The following NACC1 variants were observed in gnomAD, a reference collection of about 807,000 sequenced individuals.
NACC1 encodes the protein nucleus accumbens-associated protein 1.
Under a neutral mutation model 41.7 loss-of-function variants are expected in NACC1, and 6 were observed. The ratio of observed to expected loss-of-function variants is 0.14; its 90% CI spans 0.08 to 0.28. The LOEUF (loss-of-function observed/expected upper bound fraction) is 0.28. NACC1 is among the 10% of genes least tolerant of loss of function. The pLI is 1.00. For synonymous variants in NACC1, 338 were observed against 330.6 expected, an observed-to-expected ratio of 1.02 and a Z score of -0.24; for missense variants, 434 against 763.7, an observed-to-expected ratio of 0.57 and a Z score of 5.09.
In NACC1 at chr19:13,125,412, C is replaced by CTT. The variant is rs760978944; in HGVS notation, c.-9+6979_-9+6980dup. On this transcript the variant is annotated intron_variant, in intron 1 of 5. Coordinates refer to ENST00000292431, the MANE Select transcript of NACC1 (RefSeq NM_052876.4). ...ACTGAATCAACTCCCGAAGGCCCCA[C>CTT]TTTTTTTTTTTTTTTTTTTTTTGGT... 6.6e-3 allele frequency among the ~76,000 whole-genome samples: 664 copies of CTT among 100,250 alleles called. 6 individuals are homozygous for CTT. The highest frequency in any genetic ancestry group is 0.024 in the African/African-American group (638 of 26,804). The allele number at this position is 100,250 out of a possible 152,430, so 65.8% of individuals were successfully genotyped here.
Position 13,137,586 on chromosome 19 carries a change from G to A in NACC1, c.1324+11G>A. The A allele has an allele frequency of 6.5e-7, 1 of 1,549,450 alleles. No homozygotes were observed. The highest frequency in any genetic ancestry group is 8.7e-7 in the Non-Finnish European group (1 of 1,146,410). On this transcript the variant is annotated intron_variant, in intron 5 of 5. Transcript: ENST00000292431. The surrounding 1 kb of genome is among the most constrained non-coding windows in gnomAD (Gnocchi z 6.1). ...TCCACGCTGTCAAGTGTGAGTGTTG[G>A]CCCAGCTGGACGAGGCGTGGGCCCG...
chr19:13,122,523 C>CA (rs1491362163), intron 1 of NACC1, among the ~76,000 whole-genome samples: 1 of 76,886 alleles, frequency 1.3e-5, no homozygotes, highest in Non-Finnish European at 2.7e-5. Context: ...TTGCCCCTGC[C>CA]GGGGGGGGGG....
chr19:13,130,782 C>T (rs1407691812), intron 1 of NACC1, among the ~76,000 whole-genome samples: 2 of 151,622 alleles, frequency 1.3e-5, no homozygotes, highest in South Asian at 2.1e-4. Flanking sequence ...GTGATCTGCC[C>T]GCCTCAGCCT....
At chr19:13,133,416 C>T (rs2019659011) in intron 1 of NACC1, among the ~76,000 whole-genome samples, 1 of 152,074 alleles carries the variant, frequency 6.6e-6, no homozygotes, top group African/African-American at 2.4e-5. Flanking sequence ...TGCTTTCCCT[C>T]ACCACACCCC....
In NACC1 at chr19:13,137,459, C is replaced by T; in HGVS notation, c.1227-19C>T. 6.2e-7 allele frequency: 1 copy of T among 1,609,632 alleles called. No homozygotes were observed. The highest frequency in any genetic ancestry group is 2.3e-5 in the East Asian group (1 of 44,252). On this transcript the variant is annotated intron_variant, in intron 4 of 5. Coordinates refer to ENST00000292431, the MANE Select transcript of NACC1 (RefSeq NM_052876.4). This position sits in a 1 kb window ranked among gnomAD's most constrained non-coding sequence, Gnocchi z 6.1. ...CCACCAACTTGAGCGCTGACTCCCTCCATGTCCCCTGCCCCCAGGAACACG... is the reference window on the plus strand; with the variant it reads ...CCACCAACTTGAGCGCTGACTCCCTTCATGTCCCCTGCCCCCAGGAACACG...
At position 13,141,037 on chromosome 19, in the gene NACC1, A is replaced by G. The variant is rs968332394; in HGVS notation, c.*2631A>G. On this transcript the variant is annotated 3_prime_UTR_variant, in exon 6 of 6. Transcript: ENST00000292431. ...AGCCCCCACCCCTCCCTGGGCCCCCAAGTGAGATTGCACATTTAACTACTG... is the reference window on the plus strand; with the variant it reads ...AGCCCCCACCCCTCCCTGGGCCCCCGAGTGAGATTGCACATTTAACTACTG... The G allele has an allele frequency of 1.3e-5, 2 of 152,260 alleles. No homozygotes were observed. Among genetic ancestry groups the G allele is most frequent in the African/African-American group, 4.8e-5 (2 of 41,344 alleles). 9.4% of individuals were successfully genotyped at this position (152,260 alleles called of 1,614,324 possible).
chr19:13,136,296 G>C lies in NACC1; in HGVS notation c.1011G>C (p.Arg337=). The C allele has an allele frequency of 6.2e-7, 1 of 1,614,096 alleles. No homozygotes were observed. Among genetic ancestry groups the C allele is most frequent in the Non-Finnish European group, 8.5e-7 (1 of 1,180,022 alleles). The change falls in exon 3 of 6, where the codon CGG becomes CGC. Residue 337 remains arginine (R), a synonymous_variant. Coordinates refer to ENST00000292431, the MANE Select transcript of NACC1 (RefSeq NM_052876.4). This position sits in a 1 kb window ranked among gnomAD's most constrained non-coding sequence, Gnocchi z 5.5. ...AGTCCCGAAATCGCATCCGGGTTCG[G>C]CAAGACCTGGCGTCTCTCCCGGCTG... The part of the protein sequence containing the change: ...APESRNRIRV[R]QDLASLPAEL...
chr19:13,132,961 C>T lies in NACC1; in HGVS notation c.-8-2239C>T, dbSNP rs79183009. On this transcript the variant is annotated intron_variant, in intron 1 of 5. Coordinates refer to ENST00000292431, the MANE Select transcript of NACC1 (RefSeq NM_052876.4). Reference sequence around the variant, plus strand: ...TACCTCTGAGCCTTTGAACACTTGCCGTTTCTATTCCTCACAGCAGCCCTT... The same window carrying T: ...TACCTCTGAGCCTTTGAACACTTGCTGTTTCTATTCCTCACAGCAGCCCTT... 6.7e-3 allele frequency among the ~76,000 whole-genome samples: 1,023 copies of T among 152,232 alleles called. 52 individuals carry two copies. The East Asian group carries it at 0.12, about 19-fold the overall frequency.
At position 13,135,954 on chromosome 19, in the gene NACC1, AG is replaced by A; in HGVS notation, c.752del (p.Gly251ValfsTer3). On this transcript the variant is annotated frameshift_variant, in exon 2 of 6. Coordinates refer to ENST00000292431, the MANE Select transcript of NACC1 (RefSeq NM_052876.4). LOFTEE classifies it high-confidence loss of function. ...GQPAGGVAAAGGVVSGPSTSE... is the reference protein window; with the variant it reads ...GQPAGGVAAAXGVVSGPSTSE... Reference sequence around the variant, plus strand: ...AGCCAGCCGGTGGGGTGGCAGCAGCAGGGGGTGTGGTGAGTGGGCCCAGCAC... The same window carrying A: ...AGCCAGCCGGTGGGGTGGCAGCAGCAGGGGTGTGGTGAGTGGGCCCAGCAC... 1 of 1,601,394 alleles carries A rather than the reference AG, an allele frequency of 6.2e-7. No individual in the cohort carries two copies.
chr19:13,134,176 ACCCT>A (rs1389448830), intron 1 of NACC1, among the ~76,000 whole-genome samples: 1 of 151,268 alleles, frequency 6.6e-6, no homozygotes, highest in African/African-American at 2.4e-5. Flanking sequence ...CCCCCACCAC[ACCCT>A]CCCTAGTAGC....
upstream of NACC1, among the ~76,000 whole-genome samples, chr19:13,117,326 A>T (rs1472762490): frequency 6.6e-6 from 1 of 152,234 alleles, no homozygotes; most frequent in Admixed American, 6.5e-5. Flanking sequence ...CCGCTTTTGC[A>T]AAATGGGCAG....
At position 13,140,523 on chromosome 19, in the gene NACC1, C is replaced by G. The variant is rs1600006146; in HGVS notation, c.*2117C>G. 1 of 152,090 alleles carries G rather than the reference C, an allele frequency of 6.6e-6. No individual in the cohort carries two copies. 9.4% of individuals were successfully genotyped at this position (152,090 alleles called of 1,614,324 possible). Reference sequence around the variant, plus strand: ...CTCTCTGCCTTTTCCTCGGGTGTCCCTCCTCGAGCCCCTGTGGCATTGGCT... The same window carrying G: ...CTCTCTGCCTTTTCCTCGGGTGTCCGTCCTCGAGCCCCTGTGGCATTGGCT... On this transcript the variant is annotated 3_prime_UTR_variant, in exon 6 of 6. Coordinates refer to ENST00000292431, the MANE Select transcript of NACC1 (RefSeq NM_052876.4). This position sits in a 1 kb window ranked among gnomAD's most constrained non-coding sequence, Gnocchi z 4.0.
chr19:13,138,380 G>C lies in NACC1; in HGVS notation c.1558G>C (p.Gly520Arg), dbSNP rs1256999181. ...GACCGCCAGCCACGAGGGCGAGGCG[G>C]GTCCCTCGGCTGAAGCCCTGCAGTA... is the stretch of plus-strand genomic sequence containing the variant. ...FETASHEGEA[G>R]PSAEALQ Residue 520 changes from glycine to arginine, a missense_variant, in exon 6 of 6, where the codon GGT becomes CGT. Coordinates refer to ENST00000292431, the MANE Select transcript of NACC1 (RefSeq NM_052876.4). This position sits in a 1 kb window ranked among gnomAD's most constrained non-coding sequence, Gnocchi z 5.7. 1 of 1,612,368 alleles carries C rather than the reference G, an allele frequency of 6.2e-7. No individual in the cohort carries two copies. The highest frequency in any genetic ancestry group is 8.5e-7 in the Non-Finnish European group (1 of 1,179,932).
Position 13,127,371 on chromosome 19 carries a change from C to CTTTTTTTTT in NACC1, c.-8-7808_-8-7800dup, listed in dbSNP as rs147514422. Among the ~76,000 whole-genome samples the CTTTTTTTTT allele has an allele frequency of 8.7e-3, 249 of 28,518 alleles. 34 individuals are homozygous for CTTTTTTTTT. Among genetic ancestry groups the CTTTTTTTTT allele is most frequent in the Non-Finnish European group, 0.011 (166 of 15,644 alleles). The allele number at this position is 28,518 out of a possible 152,430, so 18.7% of individuals were successfully genotyped here. A position where few individuals can be genotyped will look rare whatever the true frequency, so the allele number is the denominator to read the frequency against. ...AAAAAAAAGCATACATATACATATA[C>CTTTTTTTTT]TTTTTTTTTTTTTTTTTTTTTTTTT... On this transcript the variant is annotated intron_variant, in intron 1 of 5. Transcript: ENST00000292431.
At chr19:13,122,896 G>A (rs1037856590) in intron 1 of NACC1, among the ~76,000 whole-genome samples, 2 of 152,108 alleles carry the variant, frequency 1.3e-5, no homozygotes, top group African/African-American at 4.8e-5. Flanking sequence ...CACCGACTAC[G>A]GGGCGAGCGC....
chr19:13,123,099 G>C (rs1015877942), intron 1 of NACC1, among the ~76,000 whole-genome samples: 2 of 152,082 alleles, frequency 1.3e-5, no homozygotes, highest in Non-Finnish European at 2.9e-5. Context: ...GTCCTGCGTG[G>C]TTCCCTAGCA....
At position 13,135,423 on chromosome 19, in the gene NACC1, T is replaced by C. The variant is rs1356036436; in HGVS notation, c.216T>C (p.Ala72=). 2.7e-5 allele frequency: 44 copies of C among 1,612,752 alleles called. No individual in the cohort carries two copies. Among genetic ancestry groups the C allele is most frequent in the Non-Finnish European group, 3.6e-5 (42 of 1,179,582 alleles). The change falls in exon 2 of 6, where the codon GCT becomes GCC. Residue 72 remains alanine (A), a synonymous_variant. Coordinates refer to ENST00000292431, the MANE Select transcript of NACC1 (RefSeq NM_052876.4). ...SRSAVVELPA[A]VQPQSFQQIL... is the part of the protein sequence containing the mutation. ...GCGCCGTGGTGGAGCTGCCGGCGGC[T>C]GTGCAGCCCCAGTCTTTCCAGCAGA...
chr19:13,132,739 G>C (rs1295477452), intron 1 of NACC1, among the ~76,000 whole-genome samples: 95 of 152,136 alleles, frequency 6.2e-4, no homozygotes, highest in Non-Finnish European at 1.0e-4. Context: ...CTGTGGTTAG[G>C]ATTCACATTT....
intron 1 of NACC1, among the ~76,000 whole-genome samples, chr19:13,120,976 G>C (rs781082814): frequency 6.6e-6 from 1 of 152,194 alleles, no homozygotes; most frequent in Non-Finnish European, 1.5e-5. Flanking sequence ...CTGGGGGCTG[G>C]GGAAGCATCC....
Sources: gnomAD v4.1 joint callset for allele counts (sites outside exome capture counted in the v4.1 genomes callset) on GRCh38, gnomAD v4.1.1 for gene constraint, Gnocchi (gnomAD v3.1) non-coding constraint, MANE v1.5 for transcripts, NCBI Gene and HGNC (gene_info 2026-07-23, HGNC 2026-07-21) for gene names.